The following RAPGEF5 variants were observed in gnomAD, a reference collection of about 807,000 sequenced individuals.
RAPGEF5 encodes M-Ras-regulated GEF.
A neutral mutation model predicts 125.2 loss-of-function variants in RAPGEF5; 65 were observed. That is an observed-to-expected ratio of 0.52 (90% CI 0.43 to 0.64). The LOEUF (loss-of-function observed/expected upper bound fraction) is 0.64. Ranked by LOEUF, RAPGEF5 falls within the 30% of genes least tolerant of loss-of-function variation. The pLI, the probability that RAPGEF5 is intolerant of heterozygous loss-of-function variation, is 0.00. For synonymous variants in RAPGEF5, 391 were observed against 385.9 expected (o/e 1.01, Z -0.16); for missense variants, 958 against 1,048.1 (o/e 0.91, Z 1.19).
chr7:22,356,778 G>T, intron 1 of RAPGEF5, 52 bp downstream of exon 1: 1 of 1,029,226 alleles, frequency 9.7e-7, no homozygotes, highest in Non-Finnish European at 1.2e-6. Context: ...GGTGGGCGCG[G>T]GCTCCACGTG....
At chr7:22,272,065 C>T (rs960094269) in intron 6 of RAPGEF5, among the ~76,000 whole-genome samples, 3 of 151,816 alleles carry the variant, frequency 2.0e-5, no homozygotes, top group Non-Finnish European at 2.9e-5. Flanking sequence ...AAAGTTGGGC[C>T]GGGCGCGGTG....
intron 6 of RAPGEF5, among the ~76,000 whole-genome samples, chr7:22,282,359 T>A (rs1562506476): frequency 6.6e-6 from 1 of 152,218 alleles, no homozygotes; most frequent in Non-Finnish European, 1.5e-5. Flanking sequence ...TTTACCACTA[T>A]TTTATAATTT....
At chr7:22,256,470 C>T (rs1368910336) in intron 7 of RAPGEF5, among the ~76,000 whole-genome samples, 1 of 152,146 alleles carries the variant, frequency 6.6e-6, no homozygotes. Flanking sequence ...CTGCAAGATA[C>T]AAATTGAAAT....
At chr7:22,152,647 T>C in intron 17 of RAPGEF5, among the ~76,000 whole-genome samples, 1 of 152,312 alleles carries the variant, frequency 6.6e-6, no homozygotes, top group Middle Eastern at 3.4e-3. Context: ...ATAAAACCTC[T>C]AACATCTCTG....
intron 11 of RAPGEF5, among the ~76,000 whole-genome samples, chr7:22,185,193 G>A (rs1446818913): frequency 1.3e-5 from 2 of 152,110 alleles, no homozygotes; most frequent in Non-Finnish European, 2.9e-5. Flanking sequence ...CTCATTTCCC[G>A]ATTCAAATGG....
intron 9 of RAPGEF5, chr7:22,194,458 T>C (rs1785097652): frequency 3.8e-6 from 2 of 533,004 alleles, no homozygotes; most frequent in Non-Finnish European, 4.8e-6. Context: ...ATATACATTA[T>C]TGAAACATTA....
intron 2 of RAPGEF5, among the ~76,000 whole-genome samples, chr7:22,316,251 A>C (rs1178611684): frequency 1.3e-5 from 2 of 151,808 alleles, no homozygotes; most frequent in Admixed American, 6.6e-5. Flanking sequence ...AAATGAAAAT[A>C]AGCTGTCTTC....
rs1439021108 is a variant in RAPGEF5, at chr7:22,260,582, T to C, written c.796+6382A>G. Among the ~76,000 whole-genome samples the C allele has an allele frequency of 3.5e-5, 5 of 143,428 alleles. 1 individual carries two copies. The East Asian group carries it at 1.1e-3, about 31-fold the overall frequency. The allele number at this position is 143,428 out of a possible 152,430, so 94.1% of individuals were successfully genotyped here. A position where few individuals can be genotyped will look rare whatever the true frequency, so the allele number is the denominator to read the frequency against. ...AAAAATAGTTCATTTACAACAGTAA[T>C]CAAAACTACAAGGTACCTAAAAATA... is the stretch of plus-strand genomic sequence containing the variant. On this transcript the variant is annotated intron_variant, in intron 7 of 25. Transcript: ENST00000665637.
At chr7:22,269,339 C>G (rs12537879) in intron 6 of RAPGEF5, among the ~76,000 whole-genome samples, 7,720 of 152,152 alleles carry the variant, frequency 0.051, 289 homozygotes, top group Non-Finnish European at 0.067. Context: ...AATGACCTAG[C>G]AATCAATCAT....
chr7:22,338,564 G>T (rs916274653), intron 1 of RAPGEF5, among the ~76,000 whole-genome samples: 3 of 152,166 alleles, frequency 2.0e-5, no homozygotes, highest in African/African-American at 7.2e-5. Context: ...AACGTCTAAT[G>T]GCTGAGGTAG....
chr7:22,127,212 T>C (rs1375648233), intron 24 of RAPGEF5, among the ~76,000 whole-genome samples: 2 of 151,976 alleles, frequency 1.3e-5, no homozygotes, highest in African/African-American at 4.8e-5. Context: ...CTAATTTTTA[T>C]ATTTTTAGTA....
At chr7:22,261,631 T>C (rs184906243) in intron 7 of RAPGEF5, among the ~76,000 whole-genome samples, 151 of 152,142 alleles carry the variant, frequency 9.9e-4, no homozygotes, top group Admixed American at 2.2e-3. Context: ...GTCTCAAAAA[T>C]AATAACGATA....
At chr7:22,345,191 A>G (rs919843325) in intron 1 of RAPGEF5, among the ~76,000 whole-genome samples, 1 of 152,206 alleles carries the variant, frequency 6.6e-6, no homozygotes, top group Non-Finnish European at 1.5e-5. Context: ...CTTCTCAGAG[A>G]CCCTGGACTG....
chr7:22,138,940 T>G (rs1210179592), intron 21 of RAPGEF5, among the ~76,000 whole-genome samples: 1 of 152,174 alleles, frequency 6.6e-6, no homozygotes, highest in Admixed American at 6.5e-5. Context: ...TCATCTTGCT[T>G]TGTGTGTGAA....
chr7:22,287,088 T>C (rs953546385), intron 6 of RAPGEF5, among the ~76,000 whole-genome samples: 2 of 152,208 alleles, frequency 1.3e-5, no homozygotes, highest in South Asian at 2.1e-4. Context: ...TTGTAGACTT[T>C]ATGTAATGGA....
chr7:22,169,876 A>AAAAAAAAAG, intron 11 of RAPGEF5, among the ~76,000 whole-genome samples: 1 of 145,906 alleles, frequency 6.9e-6, no homozygotes, highest in South Asian at 2.3e-4. Flanking sequence ...AAAAAAAAAA[A>AAAAAAAAAG]AAAAAGCTGA....
chr7:22,196,757 G>A (rs1167318239), intron 9 of RAPGEF5, among the ~76,000 whole-genome samples: 1 of 152,234 alleles, frequency 6.6e-6, no homozygotes, highest in Non-Finnish European at 1.5e-5. Context: ...TGGTGAGACA[G>A]ATGCTTCTGA....
At chr7:22,231,019 T>C (rs977993858) in intron 7 of RAPGEF5, 100 bp from the exon 8 acceptor site, 9 of 1,112,132 alleles carry the variant, frequency 8.1e-6, no homozygotes, top group African/African-American at 1.6e-5. Context: ...AAATGTTAGA[T>C]AGATTCACAA....
chr7:22,335,065 C>T (rs533405588), intron 1 of RAPGEF5, among the ~76,000 whole-genome samples: 1 of 152,346 alleles, frequency 6.6e-6, no homozygotes, highest in African/African-American at 2.4e-5. Context: ...CCACTGTATC[C>T]TGCCCCAATA....
Sources: gnomAD v4.1 joint callset for allele counts (sites outside exome capture counted in the v4.1 genomes callset) on GRCh38, gnomAD v4.1.1 for gene constraint, MANE v1.5 for transcripts, NCBI Gene and HGNC (gene_info 2026-07-23, HGNC 2026-07-21) for gene names.